UMAD1: variants seen among roughly 807,000 people sequenced by gnomAD.
The protein encoded by UMAD1 is UBAP1-MVB12-associated (UMA)-domain containing protein 1.
In UMAD1, 8 loss-of-function variants were observed where a neutral mutation model predicts 6.1. The ratio of observed to expected loss-of-function variants is 1.30; its 90% CI spans 0.76 to 2.35. The LOEUF (loss-of-function observed/expected upper bound fraction) is 2.35, where lower values mean the gene tolerates loss of function less well. UMAD1 is among the 30% of genes most tolerant of loss of function. UMAD1 has a pLI of 0.00. For missense variants in UMAD1, 130 were observed against 78.4 expected (o/e 1.66, Z -2.49); for synonymous variants, 56 against 31.4 (o/e 1.78, Z -2.61).
chr7:7,662,990 A>T (rs1785511678), intron 1 of UMAD1, among the ~76,000 whole-genome samples: 1 of 141,616 alleles, frequency 7.1e-6, no homozygotes. Context: ...AAATTTAAAG[A>T]AGTGTGTGAG....
chr7:7,780,878 A>G (rs1302505014), intron 2 of UMAD1, among the ~76,000 whole-genome samples: 1 of 152,180 alleles, frequency 6.6e-6, no homozygotes, highest in Non-Finnish European at 1.5e-5. Flanking sequence ...GTTAATTCCT[A>G]TGTAATATTC....
At chr7:7,827,336 A>G (rs1583855094) in intron 3 of UMAD1, among the ~76,000 whole-genome samples, 1 of 152,128 alleles carries the variant, frequency 6.6e-6, no homozygotes. Flanking sequence ...AAGGTCTGCA[A>G]AAGGTAGATT....
intron 2 of UMAD1, among the ~76,000 whole-genome samples, chr7:7,712,234 A>G (rs1188702440): frequency 9.9e-5 from 15 of 152,156 alleles, no homozygotes; most frequent in Admixed American, 8.5e-4. Context: ...CAGATGGATA[A>G]TCACTCAAAC....
intron 2 of UMAD1, chr7:7,735,836 C>A (rs1303056841): frequency 6.6e-6 from 1 of 152,246 alleles, no homozygotes; most frequent in Non-Finnish European, 1.5e-5. Context: ...CTTGGAAACA[C>A]CCAGAAAGTA....
intron 1 of UMAD1, among the ~76,000 whole-genome samples, chr7:7,669,210 C>T (rs1779544221): frequency 6.6e-6 from 1 of 151,940 alleles, no homozygotes; most frequent in Non-Finnish European, 1.5e-5. Context: ...TACTTGGGAT[C>T]TTGGAACATG....
intron 2 of UMAD1, among the ~76,000 whole-genome samples, chr7:7,754,580 G>A (rs1398289740): frequency 6.6e-6 from 1 of 152,138 alleles, no homozygotes; most frequent in Non-Finnish European, 1.5e-5. Context: ...CAGTAGGGTG[G>A]TGTGCACTAA....
chr7:7,843,627 C>T (rs1395220843), intron 3 of UMAD1, among the ~76,000 whole-genome samples: 1 of 152,114 alleles, frequency 6.6e-6, no homozygotes, highest in African/African-American at 2.4e-5. Flanking sequence ...AGAGTTCAAA[C>T]TTGTTCGTGA....
chr7:7,787,748 A>G (rs1782487184), intron 2 of UMAD1, among the ~76,000 whole-genome samples: 1 of 152,212 alleles, frequency 6.6e-6, no homozygotes, highest in Admixed American at 6.5e-5. Flanking sequence ...ACTTCTGGGA[A>G]GTATTTCCAA....
In UMAD1 at chr7:7,864,582, CATG is replaced by C. The variant is rs373176987; in HGVS notation, c.157-12697_157-12695del. On this transcript the variant is annotated intron_variant, in intron 3 of 3. Transcript: ENST00000682710. ...GGTACCTGAAGAAAACCCAGCTAGA[CATG>C]AGGAGAACATGAAAACTACACACAC... 3.3e-3 allele frequency among the ~76,000 whole-genome samples: 485 copies of C among 147,826 alleles called. 2 individuals are homozygous for C. The highest frequency in any genetic ancestry group is 0.01 in the African/African-American group (410 of 39,884).
At chr7:7,858,668 G>A (rs752388840) in intron 3 of UMAD1, among the ~76,000 whole-genome samples, 2 of 152,084 alleles carry the variant, frequency 1.3e-5, no homozygotes, top group Non-Finnish European at 2.9e-5. Context: ...TCCCTAGTTC[G>A]GCCATCAGAA....
At chr7:7,852,186 C>A (rs146735570) in intron 3 of UMAD1, among the ~76,000 whole-genome samples, 1 of 152,268 alleles carries the variant, frequency 6.6e-6, no homozygotes, top group Non-Finnish European at 1.5e-5. Context: ...ACCGCAGATA[C>A]GTGGCTTTAT....
chr7:7,667,683 C>T (rs13239834), intron 1 of UMAD1, among the ~76,000 whole-genome samples: 88,205 of 152,048 alleles, frequency 0.58, 25,863 homozygotes, highest in East Asian at 0.8. Flanking sequence ...CTGAGCAAGG[C>T]TTGGGAAAGT....
chr7:7,697,650 C>T (rs1780353569), intron 2 of UMAD1, among the ~76,000 whole-genome samples: 2 of 152,156 alleles, frequency 1.3e-5, no homozygotes, highest in South Asian at 4.1e-4. Context: ...GATATTATCA[C>T]ATTCATGTGA....
chr7:7,763,149 A>G (rs901498729), intron 2 of UMAD1, among the ~76,000 whole-genome samples: 13 of 152,200 alleles, frequency 8.5e-5, no homozygotes, highest in Admixed American at 7.8e-4. Context: ...TGTCATAAAC[A>G]TAGGTAGTAT....
rs183064532 is a variant in UMAD1, at chr7:7,801,741, G to C, written c.154G>C (p.Glu52Gln). 218 of 717,912 alleles carry C rather than the reference G, an allele frequency of 3.0e-4. No homozygotes were observed. In the African/African-American group the frequency reaches 3.6e-3, roughly 12 times the overall value. The allele number at this position is 717,912 out of a possible 1,614,324, so 44.5% of individuals were successfully genotyped here. ...TSDIEANQPLETNKENSSSVT... is the reference protein window; with the variant it reads ...TSDIEANQPLQTNKENSSSVT... ...GGACATAGAGGCCAACCAACCTTTG[G>C]AGGTAAGTGAAACAGAGTAAGTCCT... The change falls in exon 3 of 4, where the codon GAG (glutamate) becomes CAG (glutamine). Residue 52 changes from glutamate (E) to glutamine (Q), a missense_variant and splice_region_variant. Physicochemically the swap from Glu to Gln is conservative, Grantham distance 29 (BLOSUM62 2). Coordinates refer to ENST00000682710, the MANE Select transcript of UMAD1 (RefSeq NM_001302348.2).
intron 2 of UMAD1, among the ~76,000 whole-genome samples, chr7:7,720,720 C>T (rs1362799075): frequency 1.3e-5 from 2 of 152,038 alleles, no homozygotes; most frequent in East Asian, 3.8e-4. Context: ...TTTATTAAAA[C>T]AAGGGGCATT....
At chr7:7,725,953 CAG>C (rs755037910) in intron 2 of UMAD1, among the ~76,000 whole-genome samples, 5 of 152,198 alleles carry the variant, frequency 3.3e-5, no homozygotes, top group Non-Finnish European at 7.4e-5. Context: ...CCCTGAAGGA[CAG>C]TGGTGAAGGG....
At chr7:7,662,602 G>A (rs550872568) in intron 1 of UMAD1, among the ~76,000 whole-genome samples, 3 of 152,234 alleles carry the variant, frequency 2.0e-5, no homozygotes, top group South Asian at 2.1e-4. Context: ...CCTGGGTGAG[G>A]CGACACCCCA....
chr7:7,830,696 C>A lies in UMAD1; in HGVS notation c.156+28953C>A, dbSNP rs1241201948. Among the ~76,000 whole-genome samples, 5 of 152,050 alleles carry A rather than the reference C, an allele frequency of 3.3e-5. No individual in the cohort carries two copies. Among genetic ancestry groups the A allele is most frequent in the Non-Finnish European group, 5.9e-5 (4 of 67,990 alleles). On this transcript the variant is annotated intron_variant, in intron 3 of 3. Transcript: ENST00000682710. This position sits in a 1 kb window ranked among gnomAD's most constrained non-coding sequence, Gnocchi z 5.3. ...TTCTTTATTCTAATGTCAGATATTG[C>A]CTCAGAACCTTTGTAAGAAGAGATA...
Sources: allele counts gnomAD v4.1 joint callset (sites outside exome capture counted in the v4.1 genomes callset), GRCh38; gene constraint gnomAD v4.1.1; non-coding constraint Gnocchi (gnomAD v3.1); transcripts MANE v1.5; gene names NCBI Gene and HGNC (gene_info 2026-07-23, HGNC 2026-07-21).